The following NFXL1 variants were observed in gnomAD, a reference collection of about 807,000 sequenced individuals.
The protein encoded by NFXL1 is nuclear transcription factor, X-box binding like 1.
A neutral mutation model predicts 123.3 loss-of-function variants in NFXL1; 66 were observed. That is an observed-to-expected ratio of 0.54 (90% CI 0.44 to 0.66). The LOEUF (loss-of-function observed/expected upper bound fraction) is 0.66. Among genes scored for constraint, NFXL1 ranks in the 30% least tolerant of loss-of-function variants. NFXL1 has a pLI of 0.00. For synonymous variants in NFXL1, 346 were observed against 360.8 expected (o/e 0.96, Z 0.46); for missense variants, 944 against 1,125.6 (o/e 0.84, Z 2.31).
intron 18 of NFXL1, among the ~76,000 whole-genome samples, chr4:47,871,277 T>A (rs1257376103): frequency 6.8e-6 from 1 of 147,086 alleles, no homozygotes; most frequent in Non-Finnish European, 1.5e-5. Context: ...GGCGTGAACC[T>A]GGGAGGCGGA....
chr4:47,887,623 A>T (rs554038800), intron 12 of NFXL1, among the ~76,000 whole-genome samples: 1 of 152,190 alleles, frequency 6.6e-6, no homozygotes, highest in Non-Finnish European at 1.5e-5. Flanking sequence ...GTTGATAGTG[A>T]TATTTAAGTC....
Position 47,847,688 on chromosome 4 carries a change from G to A in NFXL1, c.*475C>T, listed in dbSNP as rs1199915501. The A allele has an allele frequency of 6.6e-6, 1 of 152,600 alleles. No individual in the cohort carries two copies. The highest frequency in any genetic ancestry group is 1.9e-4 in the East Asian group (1 of 5,204). 9.5% of individuals were successfully genotyped at this position (152,600 alleles called of 1,614,324 possible). A position where few individuals can be genotyped will look rare whatever the true frequency, so the allele number is the denominator to read the frequency against. ...CTGAAATCTAATTACATACCTTCATGTCACAATTTAAGAGGTCTGTTAGAG... is the reference window on the plus strand; with the variant it reads ...CTGAAATCTAATTACATACCTTCATATCACAATTTAAGAGGTCTGTTAGAG... On this transcript the variant is annotated 3_prime_UTR_variant, in exon 23 of 23. Transcript: ENST00000507489.
intron 12 of NFXL1, among the ~76,000 whole-genome samples, chr4:47,890,289 T>TA (rs1736688335): frequency 6.6e-6 from 1 of 152,080 alleles, no homozygotes. Flanking sequence ...CTTCATTGAT[T>TA]AAAAAATTAT....
intron 18 of NFXL1, among the ~76,000 whole-genome samples, chr4:47,868,544 C>T (rs1483367011): frequency 6.7e-6 from 1 of 149,688 alleles, no homozygotes; most frequent in African/African-American, 2.5e-5. Context: ...ATGGAAGAAA[C>T]AAGGGTCTAA....
intron 17 of NFXL1, among the ~76,000 whole-genome samples, chr4:47,877,850 T>C (rs934695000): frequency 3.3e-5 from 5 of 152,058 alleles, no homozygotes; most frequent in Non-Finnish European, 7.4e-5. Flanking sequence ...TTTTCTGGCC[T>C]ATTTCTCATT....
intron 8 of NFXL1, 68 bp from the exon 9 acceptor site, chr4:47,898,149 C>T: frequency 1.1e-6 from 1 of 903,234 alleles, no homozygotes; most frequent in Non-Finnish European, 1.7e-6. Flanking sequence ...TCATACAAGA[C>T]ACAATCCATT....
intron 14 of NFXL1, 42 bp from the exon 15 acceptor site, chr4:47,884,479 A>G: frequency 8.4e-7 from 1 of 1,192,844 alleles, no homozygotes; most frequent in Non-Finnish European, 1.2e-6. Flanking sequence ...AGAGGGATTA[A>G]ATCATATGGC....
intron 15 of NFXL1, among the ~76,000 whole-genome samples, chr4:47,882,062 A>G (rs939593120): frequency 6.6e-6 from 1 of 152,212 alleles, no homozygotes; most frequent in Non-Finnish European, 1.5e-5. Flanking sequence ...TAAAGTACCA[A>G]TATTGGTTTC....
chr4:47,904,283 C>G (rs1737466403), intron 4 of NFXL1, among the ~76,000 whole-genome samples: 1 of 152,204 alleles, frequency 6.6e-6, no homozygotes, highest in African/African-American at 2.4e-5. Context: ...GGGGCATTCA[C>G]CTACCAACTC....
chr4:47,884,366 T>G lies in NFXL1; in HGVS notation c.1896A>C (p.Pro632=). ...CTTACATAGGAATAGGAACTTGACA[T>G]GGAGGACACGGTAATGCAGTCTGAA... ...AFIQTALPCP[P]CQVPIPMECL... is the part of the protein sequence containing the mutation. Residue 632 remains proline, a synonymous_variant, in exon 15 of 23, where the codon CCA becomes CCC. Coordinates refer to ENST00000507489, the MANE Select transcript of NFXL1 (RefSeq NM_001278624.2). 6.2e-7 allele frequency: 1 copy of G among 1,601,282 alleles called. No individual in the cohort carries two copies. Among genetic ancestry groups the G allele is most frequent in the African/African-American group, 1.3e-5 (1 of 74,544 alleles).
chr4:47,867,225 G>C (rs1469838136), intron 18 of NFXL1, among the ~76,000 whole-genome samples: 1 of 146,260 alleles, frequency 6.8e-6, no homozygotes, highest in Non-Finnish European at 1.5e-5. Context: ...AATGAACAAA[G>C]GTTGATTGAA....
At position 47,874,770 on chromosome 4, in the gene NFXL1, A is replaced by G. The variant is rs372107704; in HGVS notation, c.2246+357T>C. ...GTACAATAAAGTGAAGTCCAATAAA[A>G]CAAGGTGTGCCTGTATGTACAAGTC... On this transcript the variant is annotated intron_variant, in intron 18 of 22. Coordinates refer to ENST00000507489, the MANE Select transcript of NFXL1 (RefSeq NM_001278624.2). Among the ~76,000 whole-genome samples the G allele has an allele frequency of 5.9e-5, 9 of 152,358 alleles. No individual in the cohort carries two copies. In the East Asian group the frequency reaches 1.5e-3, roughly 26 times the overall value.
intron 12 of NFXL1, among the ~76,000 whole-genome samples, chr4:47,887,979 A>C (rs957786047): frequency 1.3e-5 from 2 of 152,194 alleles, no homozygotes; most frequent in Non-Finnish European, 2.9e-5. Context: ...AATTTAAAAA[A>C]AAAAACTATA....
At chr4:47,856,389 T>A (rs1734418533) in intron 19 of NFXL1, among the ~76,000 whole-genome samples, 1 of 152,078 alleles carries the variant, frequency 6.6e-6, no homozygotes, top group Non-Finnish European at 1.5e-5. Flanking sequence ...CTTAAAACAA[T>A]TTTTCAGTTT....
intron 20 of NFXL1, among the ~76,000 whole-genome samples, chr4:47,853,750 G>A (rs893601736): frequency 6.6e-6 from 1 of 152,102 alleles, no homozygotes; most frequent in Non-Finnish European, 1.5e-5. Context: ...GCTAGATGAC[G>A]AGACTGAACA....
chr4:47,864,288 T>C (rs1006226002), intron 18 of NFXL1, among the ~76,000 whole-genome samples: 3 of 152,136 alleles, frequency 2.0e-5, no homozygotes, highest in African/African-American at 7.2e-5. Context: ...GACTATGGTA[T>C]AATAATATAT....
At chr4:47,889,001 AAT>A (rs1221718484) in intron 12 of NFXL1, among the ~76,000 whole-genome samples, 3 of 152,250 alleles carry the variant, frequency 2.0e-5, no homozygotes, top group Non-Finnish European at 4.4e-5. Flanking sequence ...GCTTCACAAA[AAT>A]ATGAGACAGG....
intron 18 of NFXL1, among the ~76,000 whole-genome samples, chr4:47,864,573 A>G (rs567019784): frequency 3.3e-5 from 5 of 152,276 alleles, no homozygotes; most frequent in East Asian, 1.9e-4. Context: ...TACTCGGTCT[A>G]TAATTACTAG....
intron 18 of NFXL1, among the ~76,000 whole-genome samples, chr4:47,865,955 G>T (rs1432456654): frequency 6.6e-6 from 1 of 152,164 alleles, no homozygotes; most frequent in East Asian, 1.9e-4. Context: ...GGTCAAGGCT[G>T]CAGTGAGCCG....
Sources: allele counts gnomAD v4.1 joint callset (sites outside exome capture counted in the v4.1 genomes callset), GRCh38; gene constraint gnomAD v4.1.1; transcripts MANE v1.5; gene names NCBI Gene and HGNC (gene_info 2026-07-23, HGNC 2026-07-21).